The following INTS6 variants were observed in gnomAD, a reference collection of about 807,000 sequenced individuals.
The protein encoded by INTS6 is integrator complex subunit 6.
In INTS6, 16 loss-of-function variants were observed where a neutral mutation model predicts 104.9. The observed-to-expected ratio is 0.15, with a 90% confidence interval of 0.10 to 0.23. The LOEUF is 0.23. Ranked by LOEUF, INTS6 falls within the 10% of genes least tolerant of loss-of-function variation. The pLI, the probability that INTS6 is intolerant of heterozygous loss-of-function variation, is 1.00. For synonymous variants in INTS6, 324 were observed against 358.7 expected, an observed-to-expected ratio of 0.90 and a Z score of 1.09; for missense variants, 584 against 1,062.8, an observed-to-expected ratio of 0.55 and a Z score of 6.26.
chr13:51,390,853 T>C (rs1956234557), intron 5 of INTS6, among the ~76,000 whole-genome samples: 1 of 152,062 alleles, frequency 6.6e-6, no homozygotes, highest in African/African-American at 2.4e-5. Context: ...TTCCAATCAT[T>C]TTATGATTAT....
intron 3 of INTS6, chr13:51,449,342 C>T: frequency 2.6e-6 from 1 of 386,960 alleles, no homozygotes; most frequent in Non-Finnish European, 3.5e-6. Flanking sequence ...ACCACCTTTC[C>T]CGCAAACTTT....
At chr13:51,429,460 A>C (rs1040037864) in intron 4 of INTS6, among the ~76,000 whole-genome samples, 11 of 152,250 alleles carry the variant, frequency 7.2e-5, no homozygotes, top group African/African-American at 2.6e-4. Flanking sequence ...AGAATAGATA[A>C]GGTTAGCTAT....
At chr13:51,407,238 TC>T (rs1431670959) in intron 4 of INTS6, among the ~76,000 whole-genome samples, 1 of 152,214 alleles carries the variant, frequency 6.6e-6, no homozygotes, top group African/African-American at 2.4e-5. Flanking sequence ...CACATATTCC[TC>T]CATCCTGTCT....
At chr13:51,424,750 A>G (rs1393118987) in intron 4 of INTS6, among the ~76,000 whole-genome samples, 1 of 152,046 alleles carries the variant, frequency 6.6e-6, no homozygotes, top group Non-Finnish European at 1.5e-5. Flanking sequence ...CTGAGTCCCT[A>G]GTAATATCAC....
At position 51,411,210 on chromosome 13, in the gene INTS6, C is replaced by G. The variant is rs1275515833; in HGVS notation, c.430-15727G>C. Among the ~76,000 whole-genome samples, 3 of 130,634 alleles carry G rather than the reference C, an allele frequency of 2.3e-5. No homozygotes were observed. The Admixed American group carries it at 2.4e-4, about 10-fold the overall frequency. 85.7% of individuals were successfully genotyped at this position (130,634 alleles called of 152,430 possible). A position where few individuals can be genotyped will look rare whatever the true frequency, so the allele number is the denominator to read the frequency against. ...CCCGGGTGACAGAGTGAGACTTTGT[C>G]TCAAAAATAAATAAATAAATAAATA... On this transcript the variant is annotated intron_variant, in intron 4 of 17. Coordinates refer to ENST00000311234, the MANE Select transcript of INTS6 (RefSeq NM_012141.3).
At chr13:51,398,782 C>T (rs946212343) in intron 4 of INTS6, among the ~76,000 whole-genome samples, 2 of 144,728 alleles carry the variant, frequency 1.4e-5, no homozygotes, top group Non-Finnish European at 3.0e-5. Flanking sequence ...CAGAGGAAAA[C>T]GGGAAACAAT....
At position 51,361,629 on chromosome 13, in the gene INTS6, G is replaced by A. The variant is rs536221983; in HGVS notation, c.*4123C>T. The A allele has an allele frequency of 4.9e-6, 3 of 608,020 alleles. No individual in the cohort carries two copies. In the Admixed American group the frequency reaches 9.7e-5, roughly 20 times the overall value. The allele number at this position is 608,020 out of a possible 1,614,324, so 37.7% of individuals were successfully genotyped here. On this transcript the variant is annotated 3_prime_UTR_variant, in exon 18 of 18. Transcript: ENST00000311234. ...GGAATGTGTTGAAAACAGGAGACAG[G>A]ATTGGCTAAATGGCATCTTTTCTCT...
At chr13:51,387,031 A>T (rs1330624373) in intron 7 of INTS6, among the ~76,000 whole-genome samples, 2 of 152,176 alleles carry the variant, frequency 1.3e-5, no homozygotes, top group African/African-American at 4.8e-5. Context: ...TTGCAGGCAA[A>T]CTATCAAAAT....
In INTS6 at chr13:51,429,140, C is replaced by G. The variant is rs143559483; in HGVS notation, c.429+1154G>C. ...CTGCTAGAAAGTAGATAAACAAAGA[C>G]TAGGACCCACATGCCCTGACTCCAT... is the stretch of plus-strand genomic sequence containing the variant. On this transcript the variant is annotated intron_variant, in intron 4 of 17. Transcript: ENST00000311234. Among the ~76,000 whole-genome samples, 952 of 152,258 alleles carry G rather than the reference C, an allele frequency of 6.3e-3. 11 individuals carry two copies. The highest frequency in any genetic ancestry group is 0.021 in the African/African-American group (886 of 41,564).
chr13:51,343,913 C>G, the INTS6 span, among the ~76,000 whole-genome samples: 1 of 152,218 alleles, frequency 6.6e-6, no homozygotes, highest in South Asian at 2.1e-4. Context: ...CCTAGAATCT[C>G]TACTCCAACA....
chr13:51,422,969 C>T lies in INTS6; in HGVS notation c.429+7325G>A, dbSNP rs1956922366. ...CTCCTTTCTTTACGCTGTCTCAGAA[C>T]CTTCTGTTTATTTCTGCCATGAGAT... On this transcript the variant is annotated intron_variant, in intron 4 of 17. Transcript: ENST00000311234. The T allele has an allele frequency of 6.7e-6, 6 of 902,178 alleles. No homozygotes were observed. In the South Asian group the frequency reaches 7.9e-5, roughly 12 times the overall value. 55.9% of individuals were successfully genotyped at this position (902,178 alleles called of 1,614,324 possible).
chr13:51,392,485 T>C (rs1487505340), intron 5 of INTS6, among the ~76,000 whole-genome samples: 1 of 152,210 alleles, frequency 6.6e-6, no homozygotes, highest in Non-Finnish European at 1.5e-5. Flanking sequence ...GCTATTACTC[T>C]ATTCCTCCCT....
chr13:51,407,882 T>C (rs1381428170), intron 4 of INTS6, among the ~76,000 whole-genome samples: 1 of 151,738 alleles, frequency 6.6e-6, no homozygotes, highest in Non-Finnish European at 1.5e-5. Context: ...CCAGACATGG[T>C]GGCACACGCC....
At chr13:51,389,538 T>TCAGAAACCCCACA in intron 5 of INTS6, 94 bp from the exon 6 acceptor site, 3 of 1,263,304 alleles carry the variant, frequency 2.4e-6, no homozygotes, top group Non-Finnish European at 3.2e-6. Context: ...AAAACAACTG[T>TCAGAAACCCCACA]GGGGTTTCTG....
chr13:51,441,734 T>G (rs573151847), intron 3 of INTS6: 1 of 152,102 alleles, frequency 6.6e-6, no homozygotes, highest in Non-Finnish European at 1.5e-5. Context: ...TAAATACTTA[T>G]GTATGTTATT....
chr13:51,445,835 G>C (rs879623452), intron 3 of INTS6: 1 of 152,152 alleles, frequency 6.6e-6, no homozygotes, highest in Non-Finnish European at 1.5e-5. Context: ...AATGGGAAAG[G>C]GCAAGTCTCT....
intron 4 of INTS6, 52 bp from the exon 5 acceptor site, chr13:51,395,535 A>G: frequency 6.6e-7 from 1 of 1,506,314 alleles, no homozygotes. Flanking sequence ...CTATTTTTTC[A>G]AAAAGCCTAC....
the INTS6 span, chr13:51,344,459 G>T: frequency 1.3e-6 from 2 of 1,597,392 alleles, no homozygotes. Flanking sequence ...ATCCAGACTA[G>T]CGAAGGGGCC....
chr13:51,452,993 C>T lies in INTS6; in HGVS notation c.-468G>A. 1 of 1,003,688 alleles carries T rather than the reference C, an allele frequency of 1.0e-6. No homozygotes were observed. The highest frequency in any genetic ancestry group is 1.2e-6 in the Non-Finnish European group (1 of 840,922). The allele number at this position is 1,003,688 out of a possible 1,614,324, so 62.2% of individuals were successfully genotyped here. On this transcript the variant is annotated 5_prime_UTR_variant, in exon 1 of 18. Coordinates refer to ENST00000311234, the MANE Select transcript of INTS6 (RefSeq NM_012141.3). The surrounding 1 kb of genome is among the most constrained non-coding windows in gnomAD (Gnocchi z 4.2). ...GAAGTTTCAGGGACTCCCTCCGCAC[C>T]CCGGCGGTGTCACCACTTTCTCAGC... is the stretch of plus-strand genomic sequence containing the variant.
Sources: gnomAD v4.1 joint callset for allele counts (sites outside exome capture counted in the v4.1 genomes callset) on GRCh38, gnomAD v4.1.1 for gene constraint, Gnocchi (gnomAD v3.1) non-coding constraint, MANE v1.5 for transcripts, NCBI Gene and HGNC (gene_info 2026-07-23, HGNC 2026-07-21) for gene names.